The following TRERF1 variants were observed in gnomAD, a reference collection of about 807,000 sequenced individuals.
The protein encoded by TRERF1 is transcriptional regulating factor 1, also known as transcriptional-regulating factor 1.
TRERF1 carries 27 observed loss-of-function variants against 122.9 expected under a neutral mutation model. The observed-to-expected ratio is 0.22, with a 90% CI of 0.16 to 0.30. TRERF1 has a LOEUF of 0.30. TRERF1 is among the 10% of genes least tolerant of loss of function. The pLI, the probability that TRERF1 is intolerant of heterozygous loss-of-function variation, is 1.00. For missense variants in TRERF1, 1,248 were observed against 1,560.3 expected (o/e 0.80, Z 3.37); for synonymous variants, 636 against 641.7 (o/e 0.99, Z 0.13).
At chr6:42,277,974 A>AG (rs1554141825) in intron 4 of TRERF1, among the ~76,000 whole-genome samples, 7 of 147,002 alleles carry the variant, frequency 4.8e-5, no homozygotes, top group Non-Finnish European at 9.0e-5. Context: ...AAGAAGAAGA[A>AG]GACTGCAATA....
chr6:42,254,710 GC>G (rs1364053035), intron 13 of TRERF1, 140 bp downstream of exon 13: 12 of 755,206 alleles, frequency 1.6e-5, no homozygotes, highest in Non-Finnish European at 2.8e-5. Flanking sequence ...AACAGACATA[GC>G]TCTGCCCTAG....
chr6:42,235,084 G>GTT (rs10644115), intron 16 of TRERF1, among the ~76,000 whole-genome samples: 133 of 148,368 alleles, frequency 9.0e-4, no homozygotes, highest in African/African-American at 3.1e-3. Flanking sequence ...TATCTTTTTT[G>GTT]TTTTTTTTTT....
intron 4 of TRERF1, among the ~76,000 whole-genome samples, chr6:42,277,911 A>AGAG (rs1781505774): frequency 1.1e-4 from 7 of 64,932 alleles, no homozygotes; most frequent in African/African-American, 5.2e-4. Context: ...AGAAGGAAGA[A>AGAG]GAAGAAGAAG....
Position 42,405,822 on chromosome 6 carries a change from A to C in TRERF1, c.-453-42743T>G, listed in dbSNP as rs376890248. Among the ~76,000 whole-genome samples, 42 of 151,800 alleles carry C rather than the reference A, an allele frequency of 2.8e-4. No individual in the cohort carries two copies. In the East Asian group the frequency reaches 5.2e-3, roughly 19 times the overall value. ...AAAAAAAAAAATTAAAAAAATTAAA[A>C]AAAATAAAAAAAAAATAGGGAAGGG... On this transcript the variant is annotated intron_variant, in intron 2 of 17. Transcript: ENST00000372922.
chr6:42,397,261 C>T (rs1437963783), intron 2 of TRERF1, among the ~76,000 whole-genome samples: 1 of 152,166 alleles, frequency 6.6e-6, no homozygotes, highest in Non-Finnish European at 1.5e-5. Context: ...GATTACATCT[C>T]ATTTGTGAGA....
intron 2 of TRERF1, among the ~76,000 whole-genome samples, chr6:42,386,084 G>A (rs955768669): frequency 7.2e-5 from 11 of 152,122 alleles, no homozygotes; most frequent in Admixed American, 1.3e-4. Flanking sequence ...CACCAGGTGC[G>A]GTGGCTCACG....
intron 2 of TRERF1, among the ~76,000 whole-genome samples, chr6:42,445,901 TTTTG>T (rs140192138): frequency 0.012 from 1,880 of 151,952 alleles, 35 homozygotes; most frequent in East Asian, 0.087. Flanking sequence ...CCAAACTTTC[TTTTG>T]TTTGTTTGTT....
intron 2 of TRERF1, among the ~76,000 whole-genome samples, chr6:42,430,456 T>C (rs1040287082): frequency 6.6e-6 from 1 of 152,132 alleles, no homozygotes; most frequent in Non-Finnish European, 1.5e-5. Flanking sequence ...AAATAGAAAA[T>C]GTTAATTAAT....
rs1469379167 is a variant in TRERF1 at position 42,234,776 on chromosome 6, C to A, written c.3066+1429G>T. 2.6e-5 allele frequency among the ~76,000 whole-genome samples: 4 copies of A among 152,160 alleles called. No individual in the cohort carries two copies. In the South Asian group the frequency reaches 8.3e-4, roughly 31 times the overall value. ...ATTTTTAAAAGTCATTAAAAAATAT[C>A]TTTTCCCTTATGTACAGAAAAATTG... is the stretch of plus-strand genomic sequence containing the variant. On this transcript the variant is annotated intron_variant, in intron 16 of 17. Transcript: ENST00000372922.
intron 2 of TRERF1, among the ~76,000 whole-genome samples, chr6:42,365,853 C>G (rs1419331101): frequency 6.6e-6 from 1 of 152,214 alleles, no homozygotes; most frequent in Non-Finnish European, 1.5e-5. Flanking sequence ...CGAGACGGAT[C>G]TTCTTACAGC....
chr6:42,434,675 C>CACACAG (rs1785007706), intron 2 of TRERF1, among the ~76,000 whole-genome samples: 1 of 18,172 alleles, frequency 5.5e-5, no homozygotes, highest in Non-Finnish European at 1.6e-4. Flanking sequence ...CCACCACACA[C>CACACAG]ACACACACAC....
At chr6:42,329,687 A>G (rs1764910042) in intron 3 of TRERF1, among the ~76,000 whole-genome samples, 1 of 152,064 alleles carries the variant, frequency 6.6e-6, no homozygotes, top group South Asian at 2.1e-4. Context: ...GAGACATTTT[A>G]CCGTTGAAAA....
intron 4 of TRERF1, among the ~76,000 whole-genome samples, chr6:42,281,138 G>A (rs921736009): frequency 1.3e-5 from 2 of 152,110 alleles, no homozygotes; most frequent in Non-Finnish European, 2.9e-5. Flanking sequence ...AACCTGTCTG[G>A]ACTTGCTCAA....
chr6:42,363,213 C>G (rs959874856), intron 2 of TRERF1, 134 bp from the exon 3 acceptor site: 12 of 152,240 alleles, frequency 7.9e-5, no homozygotes, highest in African/African-American at 2.9e-4. Flanking sequence ...TGGGCCCACC[C>G]AGGACGAGGA....
intron 3 of TRERF1, among the ~76,000 whole-genome samples, chr6:42,327,041 A>T (rs1429224818): frequency 6.6e-6 from 1 of 152,196 alleles, no homozygotes; most frequent in Non-Finnish European, 1.5e-5. Context: ...AGAATCCTTG[A>T]GACATCTAAG....
intron 3 of TRERF1, among the ~76,000 whole-genome samples, chr6:42,359,569 C>T (rs1054277357): frequency 6.6e-6 from 1 of 152,212 alleles, no homozygotes; most frequent in East Asian, 1.9e-4. Flanking sequence ...ACTAAAAATA[C>T]AAAAATTAGC....
rs1431565441 is a variant in TRERF1, at chr6:42,263,637, T to C, written c.1636-69A>G. On this transcript the variant is annotated intron_variant, in intron 7 of 17. Coordinates refer to ENST00000372922, the Ensembl canonical transcript of TRERF1. The surrounding 1 kb of genome is among the most constrained non-coding windows in gnomAD (Gnocchi z 5.6). ...CTCACAAGGGGGATGCACTTTGCTT[T>C]TCCCGAAAGGTTCCAGGACATCAGG... 2 of 1,405,554 alleles carry C rather than the reference T, an allele frequency of 1.4e-6. No homozygotes were observed. Among genetic ancestry groups the C allele is most frequent in the Non-Finnish European group, 1.9e-6 (2 of 1,074,228 alleles). The allele number at this position is 1,405,554 out of a possible 1,614,324, so 87.1% of individuals were successfully genotyped here.
intron 1 of TRERF1, among the ~76,000 whole-genome samples, 161 bp from the exon 2 acceptor site, chr6:42,451,422 C>T (rs1788479835): frequency 6.6e-6 from 1 of 151,956 alleles, no homozygotes; most frequent in African/African-American, 2.4e-5. Context: ...CCCCTCGTCC[C>T]CCCGACAAGA....
At chr6:42,354,776 A>T (rs10485116) in intron 3 of TRERF1, among the ~76,000 whole-genome samples, 4 of 152,080 alleles carry the variant, frequency 2.6e-5, no homozygotes, top group Non-Finnish European at 5.9e-5. Flanking sequence ...TTAATACCTC[A>T]TAGTGCTATA....
Sources: allele counts gnomAD v4.1 joint callset (sites outside exome capture counted in the v4.1 genomes callset), GRCh38; gene constraint gnomAD v4.1.1; non-coding constraint Gnocchi (gnomAD v3.1); transcripts MANE v1.5; gene names NCBI Gene and HGNC (gene_info 2026-07-23, HGNC 2026-07-21).